POLR3A: variants seen among roughly 807,000 people sequenced by gnomAD.
POLR3A encodes RNA polymerase III subunit A, also known as DNA-directed RNA polymerase III subunit RPC1.
Under a neutral mutation model 152.8 loss-of-function variants are expected in POLR3A, and 112 were observed. The ratio of observed to expected loss-of-function variants is 0.73; its 90% CI spans 0.63 to 0.86. The LOEUF (loss-of-function observed/expected upper bound fraction) is 0.86. Ranked by LOEUF, POLR3A falls within the 40% of genes least tolerant of loss-of-function variation. The pLI is 0.00. For synonymous variants in POLR3A, 615 were observed against 652.1 expected, an observed-to-expected ratio of 0.94 and a Z score of 0.87; for missense variants, 1,385 against 1,743.1, an observed-to-expected ratio of 0.79 and a Z score of 3.66.
chr10:78,001,729 G>A (rs1275635711), intron 17 of POLR3A, among the ~76,000 whole-genome samples: 1 of 152,160 alleles, frequency 6.6e-6, no homozygotes, highest in African/African-American at 2.4e-5. Context: ...CTGACCTGCT[G>A]GGCTCAAGTG....
At chr10:78,011,023 T>G (rs1333565858) in intron 11 of POLR3A, among the ~76,000 whole-genome samples, 1 of 152,116 alleles carries the variant, frequency 6.6e-6, no homozygotes, top group Non-Finnish European at 1.5e-5. Flanking sequence ...TTTTTGCATT[T>G]TTTTTGTGGA....
Position 78,007,723 on chromosome 10 carries a change from T to C in POLR3A, c.2053A>G (p.Arg685Gly), listed in dbSNP as rs753752541. 1 of 1,613,760 alleles carries C rather than the reference T, an allele frequency of 6.2e-7. No homozygotes were observed. The highest frequency in any genetic ancestry group is 1.7e-5 in the Admixed American group (1 of 59,966). ...EAADAMSRLA[R>G]LAPVYLSNRG... ...TTACACAGGTAGACAGGAGCCAGCC[T>C]GGCGAGCCGTGACATGGCATCTGCA... Residue 685 changes from arginine to glycine, a missense_variant, in exon 15 of 31, where the codon AGG becomes GGG. Arg to Gly is a moderately radical substitution (Grantham distance 125, BLOSUM62 -2). Coordinates refer to ENST00000372371, the MANE Select transcript of POLR3A (RefSeq NM_007055.4).
chr10:78,005,159 C>T (rs1847398891), intron 15 of POLR3A, among the ~76,000 whole-genome samples: 2 of 152,280 alleles, frequency 1.3e-5, no homozygotes, highest in South Asian at 2.1e-4. Context: ...AACACAATAC[C>T]GTTTCCAACT....
At chr10:77,984,540 T>C (rs945591818) in intron 24 of POLR3A, among the ~76,000 whole-genome samples, 1 of 152,192 alleles carries the variant, frequency 6.6e-6, no homozygotes, top group Non-Finnish European at 1.5e-5. Flanking sequence ...AGACGGGGTT[T>C]CACCATGTTA....
At chr10:77,983,017 A>G (rs1291249653) in intron 26 of POLR3A, among the ~76,000 whole-genome samples, 200 bp from the exon 27 acceptor site, 4 of 152,188 alleles carry the variant, frequency 2.6e-5, no homozygotes, top group Non-Finnish European at 5.9e-5. Context: ...TCATAAAAAG[A>G]GTAGTTTTTT....
At chr10:78,017,208 TGA>T (rs1234450108) in intron 10 of POLR3A, among the ~76,000 whole-genome samples, 2 of 151,994 alleles carry the variant, frequency 1.3e-5, no homozygotes, top group East Asian at 3.9e-4. Flanking sequence ...GAGGATCGCT[TGA>T]GCCCAAGAGT....
chr10:77,982,269 T>A lies in POLR3A; in HGVS notation c.3644A>T (p.Asp1215Val), dbSNP rs978781462. 6.2e-7 allele frequency: 1 copy of A among 1,613,786 alleles called. No individual in the cohort carries two copies. The highest frequency in any genetic ancestry group is 1.7e-5 in the Admixed American group (1 of 60,012). Reference protein sequence around the residue: ...PEVSRAVIHIDEQSGKEKYKL... With the variant: ...PEVSRAVIHIVEQSGKEKYKL... ...GTACTTCTCCTTTCCACTCTGCTCG[T>A]CAATGTGGATGACAGCTCTGGACAC... is the stretch of plus-strand genomic sequence containing the variant. Residue 1215 changes from aspartate to valine, a missense_variant, in exon 28 of 31, where the codon GAC (aspartate) becomes GTC (valine). This residue lies in a region of POLR3A where 332 missense variants were observed against 400.1 expected (regional missense o/e 0.83). Coordinates refer to ENST00000372371, the MANE Select transcript of POLR3A (RefSeq NM_007055.4).
Position 78,007,788 on chromosome 10 carries a change from A to G in POLR3A, c.1988T>C (p.Ile663Thr). The G allele has an allele frequency of 1.2e-6, 2 of 1,614,112 alleles. No homozygotes were observed. Among genetic ancestry groups the G allele is most frequent in the Non-Finnish European group, 1.7e-6 (2 of 1,179,956 alleles). ...GTLGSGSKNN[I>T]FYILLRDWGQ... is the part of the protein sequence containing the mutation. The stretch of plus-strand genomic sequence containing the variant: ...CCAGTCTCGCAGCAAAATGTAAAAA[A>G]TATTGTTCTTGGATCCTGACCCTAG... Residue 663 changes from isoleucine (I) to threonine (T), a missense_variant, in exon 15 of 31, where the codon ATT becomes ACT. By Grantham distance (89) the Ile-to-Thr change is moderately conservative (BLOSUM62 -1). Around this residue, in one of 7 missense-constraint regions of POLR3A, gnomAD observed 188 missense variants for 179.9 expected, o/e 1.04. Transcript: ENST00000372371.
At position 78,021,587 on chromosome 10, in the gene POLR3A, C is replaced by T. The variant is rs765818065; in HGVS notation, c.1144G>A (p.Val382Met). 2 of 1,614,120 alleles carry T rather than the reference C, an allele frequency of 1.2e-6. No homozygotes were observed. The highest frequency in any genetic ancestry group is 1.1e-5 in the South Asian group (1 of 91,084). ...AGAATTTTGGCCACATGAACTGGCACAGCTACCTCATCAATCCGGAGGTTG... is the reference window on the plus strand; with the variant it reads ...AGAATTTTGGCCACATGAACTGGCATAGCTACCTCATCAATCCGGAGGTTG... Reference protein sequence around the residue: ...DPNLRIDEVAVPVHVAKILTF... With the variant: ...DPNLRIDEVAMPVHVAKILTF... Residue 382 changes from valine to methionine, a missense_variant, in exon 8 of 31, where the codon GTG (valine) becomes ATG (methionine). Coordinates refer to ENST00000372371, the MANE Select transcript of POLR3A (RefSeq NM_007055.4).
intron 20 of POLR3A, among the ~76,000 whole-genome samples, 188 bp from the exon 21 acceptor site, chr10:77,991,355 C>T (rs940175703): frequency 6.6e-6 from 1 of 152,172 alleles, no homozygotes; most frequent in African/African-American, 2.4e-5. Context: ...TAAATGGATA[C>T]TCCATCCTAT....
At chr10:77,981,315 A>G in intron 29 of POLR3A, 113 bp downstream of exon 29, 7 of 1,031,136 alleles carry the variant, frequency 6.8e-6, no homozygotes, top group Admixed American at 1.7e-5. Flanking sequence ...TTTTCTCTCT[A>G]TGATGGTCCT....
intron 27 of POLR3A, 147 bp downstream of exon 27, chr10:77,982,506 A>G (rs918503599): frequency 7.4e-5 from 66 of 887,588 alleles, no homozygotes; most frequent in Non-Finnish European, 1.2e-4. Flanking sequence ...GATAGAACAG[A>G]GAGGAATCTA....
Position 78,029,494 on chromosome 10 carries a change from G to T in POLR3A, c.-87C>A. The T allele has an allele frequency of 7.3e-7, 1 of 1,374,996 alleles. No homozygotes were observed. The highest frequency in any genetic ancestry group is 1.7e-5 in the Admixed American group (1 of 58,406). 85.2% of individuals were successfully genotyped at this position (1,374,996 alleles called of 1,614,324 possible). A position where few individuals can be genotyped will look rare whatever the true frequency, so the allele number is the denominator to read the frequency against. On this transcript the variant is annotated 5_prime_UTR_variant, in exon 1 of 31. Coordinates refer to ENST00000372371, the MANE Select transcript of POLR3A (RefSeq NM_007055.4). ...CCAGCACCTCCTGGGGCTGCTTCTGGACTCGCCGCTAACACATCTGCGGCA... is the reference window on the plus strand; with the variant it reads ...CCAGCACCTCCTGGGGCTGCTTCTGTACTCGCCGCTAACACATCTGCGGCA...
chr10:77,982,986 G>A (rs1847163038), intron 26 of POLR3A, among the ~76,000 whole-genome samples, 169 bp from the exon 27 acceptor site: 1 of 152,102 alleles, frequency 6.6e-6, no homozygotes, highest in East Asian at 1.9e-4. Context: ...TACTATATGT[G>A]TATATATATC....
intron 19 of POLR3A, among the ~76,000 whole-genome samples, chr10:77,995,477 A>T (rs1229663282): frequency 1.3e-5 from 2 of 152,246 alleles, no homozygotes; most frequent in African/African-American, 4.8e-5. Flanking sequence ...TCTACTAAGC[A>T]AATGGAAAAC....
chr10:78,027,519 C>A (rs999315322), intron 1 of POLR3A, among the ~76,000 whole-genome samples: 2 of 151,894 alleles, frequency 1.3e-5, no homozygotes, highest in Admixed American at 1.3e-4. Context: ...ATTTGCTAGG[C>A]GTGATGGCCC....
At chr10:77,999,263 C>T (rs1040584889) in intron 19 of POLR3A, among the ~76,000 whole-genome samples, 13 of 152,068 alleles carry the variant, frequency 8.5e-5, no homozygotes, top group African/African-American at 1.7e-4. Flanking sequence ...CAAACCTGCA[C>T]GTTGTGCACA....
chr10:77,991,092 T>G lies in POLR3A; in HGVS notation c.2863A>C (p.Lys955Gln). Residue 955 changes from lysine (K) to glutamine (Q), a missense_variant, in exon 21 of 31, where the codon AAG becomes CAG. By Grantham distance (53) the Lys-to-Gln change is moderately conservative. This residue lies in a region of POLR3A where 178 missense variants were observed against 204.6 expected (regional missense o/e 0.87). Coordinates refer to ENST00000372371, the MANE Select transcript of POLR3A (RefSeq NM_007055.4). Reference protein sequence around the residue: ...LILTTESIMKKSEFLCCQDSF... With the variant: ...LILTTESIMKQSEFLCCQDSF... ...TCCTGGCAGCAGAGGAACTCACTCT[T>G]CTTCATGATGGACTCTGTGGTCAGG... is the stretch of plus-strand genomic sequence containing the variant. 6.2e-7 allele frequency: 1 copy of G among 1,613,562 alleles called. No homozygotes were observed. Among genetic ancestry groups the G allele is most frequent in the Non-Finnish European group, 8.5e-7 (1 of 1,179,472 alleles).
intron 5 of POLR3A, among the ~76,000 whole-genome samples, chr10:78,024,300 G>A (rs1847608085): frequency 1.3e-5 from 2 of 150,202 alleles, no homozygotes; most frequent in Admixed American, 1.3e-4. Flanking sequence ...GGATGCACAG[G>A]TTGCAGTGAA....
Sources: allele counts gnomAD v4.1 joint callset (sites outside exome capture counted in the v4.1 genomes callset), GRCh38; gene constraint gnomAD v4.1.1; regional missense constraint gnomAD v4.1.1; transcripts MANE v1.5; gene names NCBI Gene and HGNC (gene_info 2026-07-23, HGNC 2026-07-21).